Variants in FNIP2 observed in about 807,000 individuals in gnomAD.
The protein encoded by FNIP2 is folliculin-interacting protein 2.
A neutral mutation model predicts 108.7 loss-of-function variants in FNIP2; 32 were observed. The observed-to-expected ratio is 0.29, with a 90% CI of 0.22 to 0.40. FNIP2 has a LOEUF of 0.40. FNIP2 is among the 10% of genes least tolerant of loss of function. FNIP2 has a pLI of 1.00. For missense variants in FNIP2, 1,202 were observed against 1,381.6 expected, an observed-to-expected ratio of 0.87 and a Z score of 2.06; for synonymous variants, 480 against 496.7, an observed-to-expected ratio of 0.97 and a Z score of 0.45.
chr4:158,838,966 G>A (rs1778965877), intron 7 of FNIP2, among the ~76,000 whole-genome samples: 1 of 152,164 alleles, frequency 6.6e-6, no homozygotes, highest in Non-Finnish European at 1.5e-5. Flanking sequence ...GAGGTTGTGG[G>A]TTTGGGGAAG....
At chr4:158,820,834 G>A (rs1436655070) in intron 1 of FNIP2, among the ~76,000 whole-genome samples, 2 of 152,296 alleles carry the variant, frequency 1.3e-5, no homozygotes, top group East Asian at 3.9e-4. Flanking sequence ...GGATTAGGGT[G>A]CCTACTAATT....
At chr4:158,895,648 A>T (rs1782603015) in intron 15 of FNIP2, 102 bp from the exon 16 acceptor site, 6 of 723,450 alleles carry the variant, frequency 8.3e-6, no homozygotes, top group Non-Finnish European at 1.5e-5. Context: ...CTGATGAGAT[A>T]AAAGCTGTGT....
At chr4:158,887,934 T>G (rs757999367) in intron 14 of FNIP2, among the ~76,000 whole-genome samples, 3 of 152,142 alleles carry the variant, frequency 2.0e-5, no homozygotes, top group Non-Finnish European at 4.4e-5. Context: ...GGGGTTGAGT[T>G]TCCTTTGGAA....
At chr4:158,859,332 G>A (rs1174375291) in intron 9 of FNIP2, 74 bp downstream of exon 9, 18 of 1,426,228 alleles carry the variant, frequency 1.3e-5, no homozygotes, top group East Asian at 7.4e-5. Flanking sequence ...TTTCTTTGCC[G>A]ATGTATCAGA....
chr4:158,847,437 A>C (rs2126640408), intron 7 of FNIP2, among the ~76,000 whole-genome samples: 1 of 152,284 alleles, frequency 6.6e-6, no homozygotes, highest in African/African-American at 2.4e-5. Flanking sequence ...GGGCAATGTC[A>C]TGAGGTGCCT....
chr4:158,838,498 G>C (rs937326462), intron 7 of FNIP2, among the ~76,000 whole-genome samples: 6 of 152,056 alleles, frequency 3.9e-5, no homozygotes, highest in Non-Finnish European at 8.8e-5. Context: ...TGAGATTATA[G>C]GTGTGAGCCA....
chr4:158,779,421 A>G (rs999609967), intron 1 of FNIP2, among the ~76,000 whole-genome samples: 1 of 152,220 alleles, frequency 6.6e-6, no homozygotes, highest in Non-Finnish European at 1.5e-5. Context: ...AATGAAAACA[A>G]CCAGCAACAG....
At chr4:158,783,277 C>T (rs775567313) in intron 1 of FNIP2, among the ~76,000 whole-genome samples, 8 of 152,150 alleles carry the variant, frequency 5.3e-5, no homozygotes, top group Admixed American at 2.0e-4. Context: ...GGTAACTTCC[C>T]TGGGGTGAAA....
rs1780153491 is a variant in FNIP2 at position 158,859,250 on chromosome 4, A to G, written c.1051A>G (p.Ile351Val). ...ESHMNRLKSAIEKAMISCRKI... is the reference protein window; with the variant it reads ...ESHMNRLKSAVEKAMISCRKI... The stretch of plus-strand genomic sequence containing the variant: ...TCACATGAACAGGCTGAAGAGTGCA[A>G]TTGAAAAGGTAATAAGGATGTAATC... The change falls in exon 9 of 17, where the codon ATT (isoleucine) becomes GTT (valine). Residue 351 changes from isoleucine (I) to valine (V), a missense_variant. Physicochemically the swap from Ile to Val is conservative, Grantham distance 29. This residue lies in a region of FNIP2 where 878 missense variants were observed against 990.3 expected (regional missense o/e 0.89). Coordinates refer to ENST00000264433, the MANE Select transcript of FNIP2 (RefSeq NM_020840.3). The G allele has an allele frequency of 1.9e-6, 3 of 1,605,250 alleles. No homozygotes were observed. The highest frequency in any genetic ancestry group is 2.7e-5 in the African/African-American group (2 of 74,964).
chr4:158,780,822 C>A (rs1776017761), intron 1 of FNIP2, among the ~76,000 whole-genome samples: 1 of 152,128 alleles, frequency 6.6e-6, no homozygotes, highest in Non-Finnish European at 1.5e-5. Flanking sequence ...CATTTGAGGT[C>A]AGGAGTTCAA....
chr4:158,891,709 G>T, intron 15 of FNIP2, 63 bp downstream of exon 15: 1 of 1,416,428 alleles, frequency 7.1e-7, no homozygotes, highest in Non-Finnish European at 9.7e-7. Context: ...ACGACATTTT[G>T]ATTATAAAAT....
intron 1 of FNIP2, among the ~76,000 whole-genome samples, chr4:158,772,252 G>A (rs1775721836): frequency 6.6e-6 from 1 of 152,212 alleles, no homozygotes; most frequent in African/African-American, 2.4e-5. Context: ...AAAAAATGAT[G>A]TGTACAGTGA....
At chr4:158,859,728 T>C in intron 10 of FNIP2, 62 bp downstream of exon 10, 1 of 1,371,016 alleles carries the variant, frequency 7.3e-7, no homozygotes, top group South Asian at 1.2e-5. Context: ...TGGATAAAGA[T>C]AAACTGTGAC....
At chr4:158,838,963 T>G (rs1227712449) in intron 7 of FNIP2, among the ~76,000 whole-genome samples, 1 of 152,208 alleles carries the variant, frequency 6.6e-6, no homozygotes, top group African/African-American at 2.4e-5. Context: ...ACTGAGGTTG[T>G]GGGTTTGGGG....
intron 15 of FNIP2, chr4:158,893,564 G>T: frequency 1.5e-6 from 1 of 682,426 alleles, no homozygotes; most frequent in Non-Finnish European, 2.5e-6. Context: ...TGGGCTTTAA[G>T]CTGAAGCGTA....
chr4:158,869,596 T>A (rs1228877707), intron 13 of FNIP2, among the ~76,000 whole-genome samples, 168 bp downstream of exon 13: 1 of 152,240 alleles, frequency 6.6e-6, no homozygotes, highest in Non-Finnish European at 1.5e-5. Flanking sequence ...GTTTCCCACC[T>A]GTCCTTCTTC....
intron 1 of FNIP2, among the ~76,000 whole-genome samples, chr4:158,775,074 T>C (rs1775816108): frequency 6.6e-6 from 1 of 152,218 alleles, no homozygotes; most frequent in East Asian, 1.9e-4. Flanking sequence ...GAAGCTACTT[T>C]GCCGTTGTGT....
At chr4:158,772,727 G>A (rs1775735981) in intron 1 of FNIP2, among the ~76,000 whole-genome samples, 1 of 152,132 alleles carries the variant, frequency 6.6e-6, no homozygotes, top group Non-Finnish European at 1.5e-5. Flanking sequence ...TTATCACATA[G>A]CATCTGATGC....
chr4:158,851,263 A>T (rs1052061937), intron 7 of FNIP2, 58 bp from the exon 8 acceptor site: 2 of 1,574,874 alleles, frequency 1.3e-6, no homozygotes, highest in Non-Finnish European at 1.7e-6. Context: ...GTTGTGCATT[A>T]TGTAGCTACA....
Sources: gnomAD v4.1 joint callset for allele counts (sites outside exome capture counted in the v4.1 genomes callset) on GRCh38, gnomAD v4.1.1 for gene constraint, gnomAD v4.1.1 regional missense constraint, MANE v1.5 for transcripts, NCBI Gene and HGNC (gene_info 2026-07-23, HGNC 2026-07-21) for gene names.